The following SIRPG variants were observed in gnomAD, a reference collection of about 807,000 sequenced individuals.
SIRPG encodes signal-regulatory protein gamma.
A neutral mutation model predicts 35.7 loss-of-function variants in SIRPG; 38 were observed. That is an observed-to-expected ratio of 1.06 (90% confidence interval 0.82 to 1.40). The LOEUF (loss-of-function observed/expected upper bound fraction) is 1.40, where lower values mean the gene tolerates loss of function less well. SIRPG is among the 40% of genes most tolerant of loss of function. The pLI, the probability that SIRPG is intolerant of heterozygous loss-of-function variation, is 0.00. For synonymous variants in SIRPG, 215 were observed against 190.4 expected (o/e 1.13, Z -1.06); for missense variants, 519 against 483.0 (o/e 1.07, Z -0.70).
chr20:1,686,327 C>G, the SIRPG span, among the ~76,000 whole-genome samples: 2 of 152,110 alleles, frequency 1.3e-5, no homozygotes, highest in African/African-American at 4.8e-5. Context: ...CAAGGCAGTG[C>G]TCACCTGTGC....
chr20:1,685,820 C>G, the SIRPG span, among the ~76,000 whole-genome samples: 1 of 152,188 alleles, frequency 6.6e-6, no homozygotes, highest in South Asian at 2.1e-4. Context: ...AACTCAGGCA[C>G]TGTTTCAGAC....
the SIRPG span, among the ~76,000 whole-genome samples, chr20:1,675,249 T>G: frequency 6.6e-6 from 1 of 152,132 alleles, no homozygotes; most frequent in African/African-American, 2.4e-5. Flanking sequence ...TCTGCTGGGC[T>G]GCAGGAGGCC....
chr20:1,669,461 G>A, the SIRPG span, among the ~76,000 whole-genome samples: 1 of 152,306 alleles, frequency 6.6e-6, no homozygotes, highest in East Asian at 1.9e-4. Context: ...GACCAGTCAC[G>A]GTCCCCAGGG....
chr20:1,673,768 G>A, the SIRPG span, among the ~76,000 whole-genome samples: 1 of 152,210 alleles, frequency 6.6e-6, no homozygotes, highest in Non-Finnish European at 1.5e-5. Context: ...TACAGAAGCT[G>A]GAAGCATTTT....
At chr20:1,630,842 G>T (rs1299155587) in intron 4 of SIRPG, 1 of 152,722 alleles carries the variant, frequency 6.5e-6, no homozygotes, top group Non-Finnish European at 1.5e-5. Context: ...GAGAGTTGCA[G>T]GTTCCCTGCT....
intron 2 of SIRPG, among the ~76,000 whole-genome samples, chr20:1,645,348 C>T (rs2091890582): frequency 6.6e-6 from 1 of 152,138 alleles, no homozygotes; most frequent in Admixed American, 6.5e-5. Context: ...TTCAGATGCC[C>T]AGGCCCATGT....
chr20:1,677,968 G>C, the SIRPG span, among the ~76,000 whole-genome samples: 1 of 152,106 alleles, frequency 6.6e-6, no homozygotes, highest in Non-Finnish European at 1.5e-5. Flanking sequence ...TGAGATGATG[G>C]ATATGTTCAT....
chr20:1,667,944 A>G, the SIRPG span, among the ~76,000 whole-genome samples: 1 of 152,312 alleles, frequency 6.6e-6, no homozygotes, highest in East Asian at 1.9e-4. Context: ...CTCTTGCTGC[A>G]TCCTGAGAAC....
chr20:1,640,821 G>A (rs142869076), intron 2 of SIRPG, among the ~76,000 whole-genome samples: 80 of 152,196 alleles, frequency 5.3e-4, no homozygotes, highest in African/African-American at 1.7e-3. Context: ...AGCATGAAGC[G>A]GTGTTGAATT....
the SIRPG span, among the ~76,000 whole-genome samples, chr20:1,682,208 C>T: frequency 6.6e-6 from 1 of 152,080 alleles, no homozygotes; most frequent in African/African-American, 2.4e-5. Flanking sequence ...AGAGTGTGGG[C>T]AACAGGGAAA....
intron 2 of SIRPG, among the ~76,000 whole-genome samples, chr20:1,645,264 T>G (rs892740869): frequency 2.0e-5 from 3 of 152,148 alleles, no homozygotes; most frequent in African/African-American, 7.2e-5. Context: ...AAAGCTGTTC[T>G]CAAAGCCCCA....
intron 1 of SIRPG, among the ~76,000 whole-genome samples, chr20:1,653,733 G>A (rs916116410): frequency 1.3e-5 from 2 of 152,040 alleles, no homozygotes; most frequent in African/African-American, 4.8e-5. Flanking sequence ...AGGAGGGAGA[G>A]TGGCTGGGCA....
the SIRPG span, among the ~76,000 whole-genome samples, chr20:1,662,979 G>A: frequency 6.6e-6 from 1 of 151,908 alleles, no homozygotes; most frequent in Non-Finnish European, 1.5e-5. Context: ...AGCTGTTTTG[G>A]GGAAGACTCA....
chr20:1,633,665 C>T (rs983379183), intron 4 of SIRPG: 1 of 152,180 alleles, frequency 6.6e-6, no homozygotes, highest in African/African-American at 2.4e-5. Flanking sequence ...CAGACAGGGA[C>T]ATGGAAAAAT....
chr20:1,638,193 G>A (rs1015739391), intron 2 of SIRPG, among the ~76,000 whole-genome samples: 2 of 152,096 alleles, frequency 1.3e-5, no homozygotes, highest in African/African-American at 4.8e-5. Flanking sequence ...ATTGCCTTGA[G>A]GGGGTCCTCG....
At chr20:1,636,738 T>G (rs2091806444) in intron 2 of SIRPG, among the ~76,000 whole-genome samples, 2 of 152,102 alleles carry the variant, frequency 1.3e-5, no homozygotes, top group African/African-American at 2.4e-5. Context: ...AGTCCAGGTC[T>G]GAGTTCAAAG....
Position 1,657,528 on chromosome 20 carries a change from A to G in SIRPG, c.73+114T>C, listed in dbSNP as rs1375035871. On this transcript the variant is annotated intron_variant, in intron 1 of 5. Transcript: ENST00000303415. The stretch of plus-strand genomic sequence containing the variant: ...GATCTTCTGCTCTTGGACAATGTCC[A>G]GTCCTTGACCTTCCTTGGCAGTGCT... 19 of 1,019,500 alleles carry G rather than the reference A, an allele frequency of 1.9e-5. No homozygotes were observed. In the East Asian group the frequency reaches 4.6e-4, roughly 25 times the overall value. 63.2% of individuals were successfully genotyped at this position (1,019,500 alleles called of 1,614,324 possible). A position where few individuals can be genotyped will look rare whatever the true frequency, so the allele number is the denominator to read the frequency against.
At chr20:1,670,934 T>G in the SIRPG span, 1 of 338,106 alleles carries the variant, frequency 3.0e-6, no homozygotes, top group Non-Finnish European at 6.0e-6. Context: ...CCCTGTAAAG[T>G]GATGTGGGCC....
At chr20:1,652,181 C>T (rs1409512609) in intron 1 of SIRPG, among the ~76,000 whole-genome samples, 1 of 152,198 alleles carries the variant, frequency 6.6e-6, no homozygotes, top group Non-Finnish European at 1.5e-5. Flanking sequence ...CCCCTCTCTG[C>T]CTTGTTCTTT....
Sources: allele counts gnomAD v4.1 joint callset (sites outside exome capture counted in the v4.1 genomes callset), GRCh38; gene constraint gnomAD v4.1.1; transcripts MANE v1.5; gene names NCBI Gene and HGNC (gene_info 2026-07-23, HGNC 2026-07-21).